SHTN1: variants seen among roughly 807,000 people sequenced by gnomAD.
SHTN1 encodes the protein shootin 1, also known as shootin-1.
SHTN1 carries 42 observed loss-of-function variants against 83.1 expected under a neutral mutation model. That is an observed-to-expected ratio of 0.51 (90% CI 0.39 to 0.65). SHTN1 has a LOEUF of 0.65. SHTN1 is among the 30% of genes least tolerant of loss of function. The probability of loss-of-function intolerance (pLI) is 0.00; values close to 1 mark genes in which losing one functional copy is unlikely to be tolerated. For synonymous variants in SHTN1, 224 were observed against 247.7 expected (o/e 0.90, Z 0.90); for missense variants, 622 against 737.8 (o/e 0.84, Z 1.82).
chr10:117,046,192 A>G (rs1852660762), intron 2 of SHTN1, among the ~76,000 whole-genome samples: 1 of 152,114 alleles, frequency 6.6e-6, no homozygotes, highest in African/African-American at 2.4e-5. Context: ...AAACACACAC[A>G]CACAAAAACT....
chr10:116,928,965 T>C (rs1274351232), intron 10 of SHTN1, among the ~76,000 whole-genome samples: 2 of 152,228 alleles, frequency 1.3e-5, no homozygotes, highest in African/African-American at 4.8e-5. Context: ...ATAATAAAGA[T>C]GGCTTTGGCT....
At chr10:116,914,477 A>AG (rs1457740772) in intron 13 of SHTN1, among the ~76,000 whole-genome samples, 3 of 152,078 alleles carry the variant, frequency 2.0e-5, no homozygotes, top group Admixed American at 6.5e-5. Context: ...TCTAAAAAAA[A>AG]AAAAAAGAAC....
At chr10:117,081,082 G>C (rs1222051840) in intron 1 of SHTN1, among the ~76,000 whole-genome samples, 1 of 151,526 alleles carries the variant, frequency 6.6e-6, no homozygotes, top group Non-Finnish European at 1.5e-5. Context: ...TTGAATAGGA[G>C]TGGTGAGAGA....
intron 1 of SHTN1, among the ~76,000 whole-genome samples, chr10:117,049,429 G>C (rs1356349664): frequency 6.6e-6 from 1 of 152,150 alleles, no homozygotes; most frequent in South Asian, 2.1e-4. Context: ...TGTGTTAATG[G>C]TAGTAGAGTT....
At chr10:117,113,708 C>T (rs528516266) in intron 1 of SHTN1, among the ~76,000 whole-genome samples, 4 of 152,238 alleles carry the variant, frequency 2.6e-5, no homozygotes, top group African/African-American at 7.2e-5. Context: ...GTTCAAGACC[C>T]GCCTAGGCAA....
chr10:117,100,894 A>G (rs1243866006), intron 1 of SHTN1, among the ~76,000 whole-genome samples: 2 of 152,220 alleles, frequency 1.3e-5, no homozygotes, highest in Non-Finnish European at 2.9e-5. Flanking sequence ...TGTAGCTGAG[A>G]GTAGTGACTA....
At chr10:116,994,206 T>C (rs1406664787) in intron 1 of SHTN1, among the ~76,000 whole-genome samples, 1 of 152,098 alleles carries the variant, frequency 6.6e-6, no homozygotes, top group Non-Finnish European at 1.5e-5. Context: ...GATCTGTTTT[T>C]ATTGAGGAAA....
In SHTN1 at chr10:116,884,156, G is replaced by A. The variant is rs951145660; in HGVS notation, c.*2188C>T. The A allele has an allele frequency of 2.0e-5, 9 of 452,090 alleles. No homozygotes were observed. The highest frequency in any genetic ancestry group is 1.6e-4 in the African/African-American group (8 of 49,978). 28.0% of individuals were successfully genotyped at this position (452,090 alleles called of 1,614,324 possible). A position where few individuals can be genotyped will look rare whatever the true frequency, so the allele number is the denominator to read the frequency against. The stretch of plus-strand genomic sequence containing the variant: ...TTCCAACTTAAAATTGTGTAAGCAG[G>A]ACGTATGTAAGTTTTGTGTGTGCAA... On this transcript the variant is annotated 3_prime_UTR_variant, in exon 17 of 17. Coordinates refer to ENST00000355371, the MANE Select transcript of SHTN1 (RefSeq NM_001127211.3).
intron 1 of SHTN1, among the ~76,000 whole-genome samples, chr10:116,984,866 C>T (rs1851168800): frequency 6.6e-6 from 1 of 152,190 alleles, no homozygotes; most frequent in Admixed American, 6.5e-5. Context: ...CCTCAAAGGC[C>T]ACACCCAAAG....
At chr10:117,121,822 G>A (rs1176150170) in intron 1 of SHTN1, among the ~76,000 whole-genome samples, 1 of 152,090 alleles carries the variant, frequency 6.6e-6, no homozygotes, top group Admixed American at 6.5e-5. Context: ...CACGAGGTCA[G>A]GAGATCGAGA....
intron 4 of SHTN1, among the ~76,000 whole-genome samples, chr10:116,958,614 C>T (rs547832547): frequency 6.6e-6 from 1 of 152,148 alleles, no homozygotes; most frequent in Non-Finnish European, 1.5e-5. Flanking sequence ...ATGAAGCCAA[C>T]CATGGTCCAT....
chr10:116,930,062 A>T, intron 9 of SHTN1, 60 bp from the exon 10 acceptor site: 1 of 1,136,810 alleles, frequency 8.8e-7, no homozygotes, highest in East Asian at 2.5e-5. Context: ...TTGTCAAAGA[A>T]AAGAAAGGGA....
chr10:116,945,914 A>AG (rs1435808554), intron 7 of SHTN1, among the ~76,000 whole-genome samples: 2 of 152,202 alleles, frequency 1.3e-5, no homozygotes, highest in African/African-American at 4.8e-5. Flanking sequence ...AACATACCAC[A>AG]GCTATGCCTG....
intron 1 of SHTN1, among the ~76,000 whole-genome samples, chr10:116,990,678 A>C (rs146433373): frequency 6.6e-6 from 1 of 152,190 alleles, no homozygotes; most frequent in Non-Finnish European, 1.5e-5. Context: ...AGTCATAAAG[A>C]GGCTTATTGT....
At chr10:116,899,474 G>A (rs970164004) in intron 16 of SHTN1, among the ~76,000 whole-genome samples, 1 of 151,764 alleles carries the variant, frequency 6.6e-6, no homozygotes, top group Non-Finnish European at 1.5e-5. Context: ...GGCCAAAGTG[G>A]AGGGGGAAGG....
At chr10:117,125,866 A>C (rs940885766) in intron 1 of SHTN1, among the ~76,000 whole-genome samples, 14 of 152,216 alleles carry the variant, frequency 9.2e-5, no homozygotes, top group African/African-American at 3.4e-4. Context: ...GAAGGGACTA[A>C]GCCAGACCCT....
At chr10:117,077,714 T>C (rs1056982334) in intron 1 of SHTN1, among the ~76,000 whole-genome samples, 1 of 151,874 alleles carries the variant, frequency 6.6e-6, no homozygotes, top group African/African-American at 2.4e-5. Flanking sequence ...CACCTATGAG[T>C]GAGAACATGC....
Position 116,929,984 on chromosome 10 carries a change from G to T in SHTN1, c.877C>A (p.Gln293Lys). Residue 293 changes from glutamine to lysine, a missense_variant, in exon 10 of 17, where the codon CAA becomes AAA. By Grantham distance (53) the Gln-to-Lys change is moderately conservative (BLOSUM62 1). This residue lies in a region of SHTN1 where 383 missense variants were observed against 455.8 expected (regional missense o/e 0.84). Coordinates refer to ENST00000355371, the MANE Select transcript of SHTN1 (RefSeq NM_001127211.3). ...HQQKVKELEE[Q>K]LENETLHKEI... ...TTGTGGAGTGTTTCATTTTCTAGTT[G>T]CTCTTCTAATTCTTTGACCTATAAG... The T allele has an allele frequency of 1.3e-6, 2 of 1,582,564 alleles. No individual in the cohort carries two copies. The highest frequency in any genetic ancestry group is 1.7e-6 in the Non-Finnish European group (2 of 1,164,496).
At chr10:117,104,134 AT>A (rs1047049649) in intron 1 of SHTN1, among the ~76,000 whole-genome samples, 4 of 151,142 alleles carry the variant, frequency 2.6e-5, no homozygotes, top group South Asian at 2.1e-4. Context: ...TTTTAGCATG[AT>A]TTTTTTTTAC....
Sources: gnomAD v4.1 joint callset for allele counts (sites outside exome capture counted in the v4.1 genomes callset) on GRCh38, gnomAD v4.1.1 for gene constraint, gnomAD v4.1.1 regional missense constraint, MANE v1.5 for transcripts, NCBI Gene and HGNC (gene_info 2026-07-23, HGNC 2026-07-21) for gene names.